The following TDRD3 variants were observed in gnomAD, a reference collection of about 807,000 sequenced individuals.
TDRD3 encodes tudor domain containing 3, also known as tudor domain-containing protein 3.
In TDRD3, 45 loss-of-function variants were observed where a neutral mutation model predicts 86.7. That is an observed-to-expected ratio of 0.52 (90% CI 0.41 to 0.67). The LOEUF (loss-of-function observed/expected upper bound fraction) is 0.67. TDRD3 is among the 30% of genes least tolerant of loss of function. The probability of loss-of-function intolerance (pLI) is 0.00; values close to 1 mark genes in which losing one functional copy is unlikely to be tolerated. For missense variants in TDRD3, 814 were observed against 889.0 expected (o/e 0.92, Z 1.07); for synonymous variants, 298 against 301.7 (o/e 0.99, Z 0.13).
At chr13:60,492,917 C>CTTTTTTTTTTT (rs71199004) in intron 7 of TDRD3, among the ~76,000 whole-genome samples, 40 of 115,474 alleles carry the variant, frequency 3.5e-4, no homozygotes, top group East Asian at 7.5e-4. Flanking sequence ...TCTTTCTTTT[C>CTTTTTTTTTTT]TTTTTTTTTT....
At chr13:60,481,640 T>G (rs1337359223) in intron 5 of TDRD3, among the ~76,000 whole-genome samples, 1 of 152,166 alleles carries the variant, frequency 6.6e-6, no homozygotes, top group Non-Finnish European at 1.5e-5. Context: ...TGAATTTATG[T>G]TTTCTTTTAA....
intron 7 of TDRD3, among the ~76,000 whole-genome samples, chr13:60,486,992 T>A (rs547979764): frequency 5.9e-5 from 9 of 152,272 alleles, no homozygotes; most frequent in Middle Eastern, 3.4e-3. Flanking sequence ...GCTCTCCATA[T>A]TTGTGGATTC....
chr13:60,549,551 T>G (rs1355913275), intron 12 of TDRD3, among the ~76,000 whole-genome samples: 1 of 152,138 alleles, frequency 6.6e-6, no homozygotes, highest in Non-Finnish European at 1.5e-5. Flanking sequence ...AAATGTTAAT[T>G]ATATACTTGA....
chr13:60,410,603 C>G (rs79728582), intron 1 of TDRD3, among the ~76,000 whole-genome samples: 14,338 of 152,142 alleles, frequency 0.094, 780 homozygotes, highest in African/African-American at 0.15. Flanking sequence ...GATCTTTTCT[C>G]TAGGCTGCCT....
intron 3 of TDRD3, 100 bp from the exon 4 acceptor site, chr13:60,460,280 C>A: frequency 1.0e-6 from 1 of 976,330 alleles, no homozygotes; most frequent in Non-Finnish European, 1.4e-6. Context: ...AATCATAAAG[C>A]ATGACTATTA....
intron 3 of TDRD3, among the ~76,000 whole-genome samples, chr13:60,457,951 G>C (rs1955717750): frequency 6.6e-6 from 1 of 152,074 alleles, no homozygotes; most frequent in Admixed American, 6.5e-5. Flanking sequence ...CTCATCTTTA[G>C]ATCCTTACCT....
At chr13:60,506,266 C>T (rs902163467) in intron 8 of TDRD3, among the ~76,000 whole-genome samples, 3 of 152,080 alleles carry the variant, frequency 2.0e-5, no homozygotes, top group Non-Finnish European at 4.4e-5. Flanking sequence ...AATTTCATAT[C>T]TAGATTTTCA....
At chr13:60,568,985 T>C (rs1332242406) in intron 13 of TDRD3, among the ~76,000 whole-genome samples, 2 of 152,146 alleles carry the variant, frequency 1.3e-5, no homozygotes, top group African/African-American at 4.8e-5. Flanking sequence ...TTCTTCTTTT[T>C]TGAGACAGAG....
intron 5 of TDRD3, among the ~76,000 whole-genome samples, chr13:60,477,209 ATTATTG>A (rs777665158): frequency 0.013 from 1,834 of 143,166 alleles, 40 homozygotes; most frequent in African/African-American, 0.041. Context: ...TATTATTATT[ATTATTG>A]TTATTATTAT....
At chr13:60,503,703 A>G (rs1395080658) in intron 8 of TDRD3, among the ~76,000 whole-genome samples, 1 of 152,200 alleles carries the variant, frequency 6.6e-6, no homozygotes, top group Non-Finnish European at 1.5e-5. Context: ...GGAGGACTTA[A>G]AACACTTGAT....
chr13:60,547,349 G>A (rs920502419), intron 12 of TDRD3: 2 of 985,194 alleles, frequency 2.0e-6, no homozygotes, highest in South Asian at 4.7e-5. Flanking sequence ...GAAGGGGAGT[G>A]GGCAAGGCTG....
At chr13:60,548,555 G>A (rs1437085955) in intron 12 of TDRD3, among the ~76,000 whole-genome samples, 1 of 152,068 alleles carries the variant, frequency 6.6e-6, no homozygotes, top group Non-Finnish European at 1.5e-5. Flanking sequence ...CATTATTAAA[G>A]ATTTTTTTAT....
At chr13:60,401,416 G>T (rs1463964867) in intron 1 of TDRD3, among the ~76,000 whole-genome samples, 3 of 152,144 alleles carry the variant, frequency 2.0e-5, no homozygotes, top group Non-Finnish European at 4.4e-5. Context: ...ACTATTTTGT[G>T]TCAGGGACTT....
At chr13:60,535,867 T>C (rs1048925120) in intron 12 of TDRD3, 3 of 152,166 alleles carry the variant, frequency 2.0e-5, no homozygotes, top group African/African-American at 7.2e-5. Context: ...TGATTTTATA[T>C]AGATTGATTC....
intron 4 of TDRD3, among the ~76,000 whole-genome samples, chr13:60,465,292 C>G (rs568512807): frequency 6.6e-6 from 1 of 152,060 alleles, no homozygotes; most frequent in Non-Finnish European, 1.5e-5. Context: ...TTTATTTATC[C>G]TTGTACAATG....
chr13:60,572,670 G>A (rs918437353), intron 13 of TDRD3, among the ~76,000 whole-genome samples: 1 of 152,170 alleles, frequency 6.6e-6, no homozygotes. Flanking sequence ...TTTGATGAAA[G>A]AATGGTATTC....
chr13:60,536,892 A>G (rs1053606677), intron 12 of TDRD3: 9 of 151,552 alleles, frequency 5.9e-5, no homozygotes, highest in African/African-American at 1.7e-4. Flanking sequence ...GACTTTTCCT[A>G]TTTCTCCCTT....
intron 8 of TDRD3, among the ~76,000 whole-genome samples, chr13:60,497,545 T>C (rs113417607): frequency 6.6e-6 from 1 of 152,234 alleles, no homozygotes; most frequent in African/African-American, 2.4e-5. Context: ...GCTAGTCCTG[T>C]CTTTCATTAT....
chr13:60,435,584 T>C (rs1955068624), intron 1 of TDRD3, among the ~76,000 whole-genome samples: 1 of 152,202 alleles, frequency 6.6e-6, no homozygotes, highest in East Asian at 1.9e-4. Flanking sequence ...TCCAAGTTGT[T>C]GCAAAAGACA....
Sources: allele counts gnomAD v4.1 joint callset (sites outside exome capture counted in the v4.1 genomes callset), GRCh38; gene constraint gnomAD v4.1.1; transcripts MANE v1.5; gene names NCBI Gene and HGNC (gene_info 2026-07-23, HGNC 2026-07-21).